ELMOD1: variants seen among roughly 807,000 people sequenced by gnomAD.
The protein encoded by ELMOD1 is ELMO domain-containing protein 1.
ELMOD1 carries 21 observed loss-of-function variants against 46.7 expected under a neutral mutation model. That is an observed-to-expected ratio of 0.45 (90% CI 0.32 to 0.65). The LOEUF (loss-of-function observed/expected upper bound fraction) is 0.65, where lower values mean the gene tolerates loss of function less well. Among genes scored for constraint, ELMOD1 ranks in the 30% least tolerant of loss-of-function variants. ELMOD1 has a pLI of 0.04. For synonymous variants in ELMOD1, 122 were observed against 138.2 expected (o/e 0.88, Z 0.82); for missense variants, 348 against 407.8 (o/e 0.85, Z 1.26).
intron 7 of ELMOD1, among the ~76,000 whole-genome samples, chr11:107,649,962 A>T (rs1426253456): frequency 6.6e-6 from 1 of 152,060 alleles, no homozygotes; most frequent in Non-Finnish European, 1.5e-5. Flanking sequence ...TCTTTCTTTC[A>T]TCATGTCCCT....
chr11:107,607,950 C>T (rs1591104382), intron 1 of ELMOD1, among the ~76,000 whole-genome samples: 1 of 150,156 alleles, frequency 6.7e-6, no homozygotes, highest in Non-Finnish European at 1.5e-5. Context: ...TGTGAACTCC[C>T]GGCTCCCCCA....
Position 107,650,271 on chromosome 11 carries a change from A to G in ELMOD1, c.555-64A>G, listed in dbSNP as rs1252732674. ...ATTCAAAATGACCTCGAATTGGATT[A>G]AAATGAATATATTCAGCGAGTAAGC... On this transcript the variant is annotated intron_variant, in intron 7 of 11. Coordinates refer to ENST00000265840, the MANE Select transcript of ELMOD1 (RefSeq NM_018712.4). 4.2e-6 allele frequency: 5 copies of G among 1,187,734 alleles called. No homozygotes were observed. In the East Asian group the frequency reaches 1.3e-4, roughly 31 times the overall value. 73.6% of individuals were successfully genotyped at this position (1,187,734 alleles called of 1,614,324 possible). A position where few individuals can be genotyped will look rare whatever the true frequency, so the allele number is the denominator to read the frequency against.
At chr11:107,629,180 G>A (rs1455342546) in intron 2 of ELMOD1, among the ~76,000 whole-genome samples, 3 of 152,082 alleles carry the variant, frequency 2.0e-5, no homozygotes, top group Non-Finnish European at 4.4e-5. Context: ...TTTAACACAA[G>A]GCTGTTGAAG....
At chr11:107,604,081 C>T (rs1294058745) in intron 1 of ELMOD1, among the ~76,000 whole-genome samples, 3 of 149,292 alleles carry the variant, frequency 2.0e-5, no homozygotes, top group South Asian at 2.1e-4. Context: ...ACGCTGCCTT[C>T]AACCAAGCAT....
chr11:107,666,066 C>G lies in ELMOD1; in HGVS notation c.*869C>G, dbSNP rs1006972687. On this transcript the variant is annotated 3_prime_UTR_variant, in exon 12 of 12. Transcript: ENST00000265840. ...AGCCAAACTGTTCCTGCAAACATAG[C>G]TATGCTTCATGAGGCTTACAAGAAG... 4 of 152,122 alleles carry G rather than the reference C, an allele frequency of 2.6e-5. No individual in the cohort carries two copies. Among genetic ancestry groups the G allele is most frequent in the African/African-American group, 7.2e-5 (3 of 41,432 alleles). The allele number at this position is 152,122 out of a possible 1,614,324, so 9.4% of individuals were successfully genotyped here. A position where few individuals can be genotyped will look rare whatever the true frequency, so the allele number is the denominator to read the frequency against.
intron 4 of ELMOD1, 91 bp from the exon 5 acceptor site, chr11:107,631,489 T>C (rs1866139770): frequency 7.0e-6 from 4 of 572,748 alleles, no homozygotes; most frequent in Non-Finnish European, 1.1e-5. Flanking sequence ...ATATAGAAGC[T>C]TAAGCAAATG....
At chr11:107,626,786 C>A (rs2135683240) in intron 2 of ELMOD1, among the ~76,000 whole-genome samples, 1 of 152,130 alleles carries the variant, frequency 6.6e-6, no homozygotes, top group Admixed American at 6.6e-5. Context: ...AATAGTTAAT[C>A]ATTTTTATTG....
chr11:107,601,817 T>C (rs1865604499), intron 1 of ELMOD1, among the ~76,000 whole-genome samples: 1 of 152,238 alleles, frequency 6.6e-6, no homozygotes, highest in African/African-American at 2.4e-5. Context: ...TATACATTCA[T>C]ATATGTCAAA....
intron 2 of ELMOD1, among the ~76,000 whole-genome samples, chr11:107,625,726 G>C (rs1440271324): frequency 6.6e-6 from 1 of 152,190 alleles, no homozygotes; most frequent in Non-Finnish European, 1.5e-5. Flanking sequence ...GTTCAAACTA[G>C]AGAATGAATG....
chr11:107,621,198 A>G (rs1278147214), intron 2 of ELMOD1, among the ~76,000 whole-genome samples: 2 of 152,216 alleles, frequency 1.3e-5, no homozygotes, highest in Admixed American at 6.5e-5. Context: ...CAACTGTTCC[A>G]GTCTCAGAAT....
intron 5 of ELMOD1, among the ~76,000 whole-genome samples, chr11:107,634,532 A>G (rs1866194918): frequency 6.6e-6 from 1 of 152,158 alleles, no homozygotes; most frequent in African/African-American, 2.4e-5. Context: ...TGAGGTCAGG[A>G]GTTCGAGACC....
At chr11:107,656,320 G>A (rs1591138089) in intron 11 of ELMOD1, among the ~76,000 whole-genome samples, 1 of 151,328 alleles carries the variant, frequency 6.6e-6, no homozygotes, top group East Asian at 1.9e-4. Context: ...CCCAGCAGAT[G>A]GAGGTTGCAG....
intron 11 of ELMOD1, among the ~76,000 whole-genome samples, chr11:107,662,220 T>G (rs1866751443): frequency 6.6e-6 from 1 of 152,194 alleles, no homozygotes; most frequent in African/African-American, 2.4e-5. Flanking sequence ...CCTAGCTCAC[T>G]GAAGCCTCAA....
intron 1 of ELMOD1, chr11:107,592,333 C>T (rs778014795): frequency 3.7e-6 from 2 of 533,450 alleles, no homozygotes; most frequent in Non-Finnish European, 7.7e-6. Context: ...AAATACGCTG[C>T]TAACCCCCAG....
intron 11 of ELMOD1, among the ~76,000 whole-genome samples, chr11:107,658,116 A>G (rs989807947): frequency 6.6e-6 from 1 of 152,236 alleles, no homozygotes; most frequent in Non-Finnish European, 1.5e-5. Context: ...TTTTTAATCA[A>G]GTAATGGAAA....
intron 1 of ELMOD1, among the ~76,000 whole-genome samples, chr11:107,601,420 T>TC (rs1436490014): frequency 2.7e-5 from 4 of 145,522 alleles, no homozygotes; most frequent in South Asian, 2.2e-4. Context: ...TTTTTTCTTT[T>TC]TTTTTTTTTT....
intron 1 of ELMOD1, among the ~76,000 whole-genome samples, chr11:107,605,194 T>TC (rs1206680716): frequency 1.3e-5 from 2 of 149,448 alleles, no homozygotes; most frequent in Non-Finnish European, 1.5e-5. Flanking sequence ...TTTCTTTCTT[T>TC]TTTTTTTTTT....
chr11:107,619,662 G>A (rs1192345051), intron 2 of ELMOD1, among the ~76,000 whole-genome samples: 1 of 152,140 alleles, frequency 6.6e-6, no homozygotes, highest in Non-Finnish European at 1.5e-5. Context: ...AAAAATAGTA[G>A]CCTTTGGTTC....
chr11:107,604,547 T>C (rs1472625093), intron 1 of ELMOD1, among the ~76,000 whole-genome samples: 3 of 152,202 alleles, frequency 2.0e-5, no homozygotes, highest in Non-Finnish European at 4.4e-5. Flanking sequence ...AGATACTTTT[T>C]TCCCCCACAT....
Sources: gnomAD v4.1 joint callset for allele counts (sites outside exome capture counted in the v4.1 genomes callset) on GRCh38, gnomAD v4.1.1 for gene constraint, MANE v1.5 for transcripts, NCBI Gene and HGNC (gene_info 2026-07-23, HGNC 2026-07-21) for gene names.